XKR6: variants seen among roughly 807,000 people sequenced by gnomAD.
XKR6 encodes the protein XK-related protein 6.
In XKR6, 22 loss-of-function variants were observed where a neutral mutation model predicts 56.7. The observed-to-expected ratio is 0.39, with a 90% confidence interval of 0.28 to 0.55. The LOEUF (loss-of-function observed/expected upper bound fraction) is 0.55. Ranked by LOEUF, XKR6 falls within the 20% of genes least tolerant of loss-of-function variation. The pLI is 0.66. For missense variants in XKR6, 852 were observed against 889.0 expected, an observed-to-expected ratio of 0.96 and a Z score of 0.53; for synonymous variants, 524 against 387.8, an observed-to-expected ratio of 1.35 and a Z score of -4.13.
chr8:10,945,971 C>G (rs1413913561), intron 1 of XKR6, among the ~76,000 whole-genome samples: 1 of 152,144 alleles, frequency 6.6e-6, no homozygotes, highest in African/African-American at 2.4e-5. Context: ...TGATTCCTCT[C>G]TAGCCCCCAC....
At chr8:10,987,274 G>A (rs1797883246) in intron 1 of XKR6, among the ~76,000 whole-genome samples, 1 of 152,194 alleles carries the variant, frequency 6.6e-6, no homozygotes, top group Admixed American at 6.5e-5. Context: ...TCCTGGAAAT[G>A]TAAAGTGGTA....
chr8:11,063,527 A>T (rs941079923), intron 1 of XKR6, among the ~76,000 whole-genome samples: 1 of 151,852 alleles, frequency 6.6e-6, no homozygotes, highest in African/African-American at 2.4e-5. Flanking sequence ...AAAAAAAAAA[A>T]AAAAAAGTCC....
chr8:10,900,211 A>G (rs1192871334), intron 2 of XKR6, among the ~76,000 whole-genome samples: 1 of 152,166 alleles, frequency 6.6e-6, no homozygotes, highest in Admixed American at 6.5e-5. Flanking sequence ...AATCAAGGTT[A>G]CCCAGTGATT....
At chr8:11,152,734 T>A (rs950542341) in intron 1 of XKR6, among the ~76,000 whole-genome samples, 1 of 152,248 alleles carries the variant, frequency 6.6e-6, no homozygotes, top group African/African-American at 2.4e-5. Flanking sequence ...AGAAATGACA[T>A]GTTGATCCTC....
At chr8:11,031,161 C>G (rs1798984526) in intron 1 of XKR6, among the ~76,000 whole-genome samples, 1 of 152,154 alleles carries the variant, frequency 6.6e-6, no homozygotes, top group Non-Finnish European at 1.5e-5. Context: ...CTGATCCAAG[C>G]TGGGCCAATC....
chr8:11,105,635 CCTTT>C (rs1370868057), intron 1 of XKR6: 5 of 152,224 alleles, frequency 3.3e-5, no homozygotes, highest in South Asian at 4.1e-4. Flanking sequence ...CATTTCCTTT[CCTTT>C]AATTCACGTG....
rs946660053 is a variant in XKR6 at position 11,085,376 on chromosome 8, A to G, written c.764+115200T>C. 4.6e-5 allele frequency among the ~76,000 whole-genome samples: 7 copies of G among 152,236 alleles called. No individual in the cohort carries two copies. In the South Asian group the frequency reaches 6.2e-4, roughly 14 times the overall value. ...CGGTTGCTGCTCTCAAGAAGCCCACATCCTCCTGCAGGGGACCTAGCCCAC... is the reference window on the plus strand; with the variant it reads ...CGGTTGCTGCTCTCAAGAAGCCCACGTCCTCCTGCAGGGGACCTAGCCCAC... On this transcript the variant is annotated intron_variant, in intron 1 of 2. Coordinates refer to ENST00000416569, the MANE Select transcript of XKR6 (RefSeq NM_173683.4).
intron 1 of XKR6, chr8:11,124,077 G>A (rs1799624953): frequency 2.2e-6 from 1 of 449,806 alleles, no homozygotes; most frequent in Middle Eastern, 3.3e-4. Flanking sequence ...TCTCTAGCAC[G>A]ATTTCCTACT....
chr8:10,913,022 G>C (rs534537358), intron 2 of XKR6, among the ~76,000 whole-genome samples: 23 of 145,726 alleles, frequency 1.6e-4, no homozygotes, highest in African/African-American at 5.5e-4. Flanking sequence ...AGAGAGAGGA[G>C]AGAAAGGGTG....
intron 2 of XKR6, among the ~76,000 whole-genome samples, chr8:10,916,246 C>T (rs988497103): frequency 6.6e-5 from 10 of 152,192 alleles, no homozygotes; most frequent in Non-Finnish European, 1.3e-4. Context: ...ACTTCTCATT[C>T]CTAAGGAAAT....
intron 1 of XKR6, among the ~76,000 whole-genome samples, chr8:11,078,968 G>A (rs1416507601): frequency 1.3e-5 from 2 of 152,220 alleles, no homozygotes; most frequent in African/African-American, 4.8e-5. Flanking sequence ...GGGGACCTGG[G>A]TCACCTCAGG....
intron 2 of XKR6, among the ~76,000 whole-genome samples, chr8:10,911,101 G>A (rs1291268242): frequency 6.6e-6 from 1 of 152,082 alleles, no homozygotes; most frequent in African/African-American, 2.4e-5. Context: ...GTGGACCTGG[G>A]CAAATGCACT....
intron 1 of XKR6, among the ~76,000 whole-genome samples, chr8:11,165,577 A>C (rs145882036): frequency 6.6e-6 from 1 of 152,268 alleles, no homozygotes; most frequent in African/African-American, 2.4e-5. Flanking sequence ...CAGAAACCAT[A>C]ATTATAATTT....
At chr8:11,088,636 C>T (rs961566672) in intron 1 of XKR6, among the ~76,000 whole-genome samples, 2 of 152,174 alleles carry the variant, frequency 1.3e-5, no homozygotes, top group Non-Finnish European at 2.9e-5. Context: ...AATCAATCAG[C>T]TAAAGACACT....
chr8:11,150,086 A>G (rs571010738), intron 1 of XKR6, among the ~76,000 whole-genome samples: 1 of 152,278 alleles, frequency 6.6e-6, no homozygotes, highest in Non-Finnish European at 1.5e-5. Context: ...GGTGGGGGAG[A>G]GGGCTGGTCA....
chr8:11,111,795 G>A (rs1280669282), intron 1 of XKR6: 1 of 151,808 alleles, frequency 6.6e-6, no homozygotes, highest in Non-Finnish European at 1.5e-5. Context: ...CTAGATATGT[G>A]AAAACAACAT....
chr8:11,094,565 A>G (rs1412247817), intron 1 of XKR6, among the ~76,000 whole-genome samples: 2 of 152,064 alleles, frequency 1.3e-5, no homozygotes, highest in Non-Finnish European at 2.9e-5. Flanking sequence ...ACAGAAAGGG[A>G]CTTCTCCTGG....
intron 1 of XKR6, among the ~76,000 whole-genome samples, chr8:10,969,498 G>C (rs546425588): frequency 6.6e-6 from 1 of 152,306 alleles, no homozygotes; most frequent in East Asian, 1.9e-4. Context: ...ACAGGACATG[G>C]GAAATGTAGG....
At chr8:10,953,435 A>G (rs1036739245) in intron 1 of XKR6, among the ~76,000 whole-genome samples, 1 of 152,150 alleles carries the variant, frequency 6.6e-6, no homozygotes, top group African/African-American at 2.4e-5. Flanking sequence ...CCTCCCTAGA[A>G]GCAAATGCCC....
Sources: gnomAD v4.1 joint callset for allele counts (sites outside exome capture counted in the v4.1 genomes callset) on GRCh38, gnomAD v4.1.1 for gene constraint, MANE v1.5 for transcripts, NCBI Gene and HGNC (gene_info 2026-07-23, HGNC 2026-07-21) for gene names.